The following UBASH3A variants were observed in gnomAD, a reference collection of about 807,000 sequenced individuals.
The protein encoded by UBASH3A is ubiquitin-associated and SH3 domain-containing protein A.
A neutral mutation model predicts 73.5 loss-of-function variants in UBASH3A; 63 were observed. That is an observed-to-expected ratio of 0.86 (90% confidence interval 0.70 to 1.06). The LOEUF (loss-of-function observed/expected upper bound fraction) is 1.06. Among genes scored for constraint, UBASH3A ranks in the 50% least tolerant of loss-of-function variants. UBASH3A has a pLI of 0.00. For missense variants in UBASH3A, 860 were observed against 859.0 expected (o/e 1.00, Z -0.02); for synonymous variants, 363 against 351.1 (o/e 1.03, Z -0.38).
At chr21:42,436,860 C>G (rs2053634825) in intron 10 of UBASH3A, among the ~76,000 whole-genome samples, 2 of 152,222 alleles carry the variant, frequency 1.3e-5, no homozygotes, top group Non-Finnish European at 1.5e-5. Context: ...AATGTGAAGC[C>G]CCGCCCATTT....
intron 11 of UBASH3A, among the ~76,000 whole-genome samples, chr21:42,441,378 G>A (rs1370295817): frequency 6.6e-6 from 1 of 150,694 alleles, no homozygotes; most frequent in South Asian, 2.1e-4. Context: ...GTTCACAATG[G>A]AAATGAGCTC....
At position 42,409,481 on chromosome 21, in the gene UBASH3A, T is replaced by A; in HGVS notation, c.227T>A (p.Leu76His). 1 of 1,613,876 alleles carries A rather than the reference T, an allele frequency of 6.2e-7. No homozygotes were observed. The highest frequency in any genetic ancestry group is 8.5e-7 in the Non-Finnish European group (1 of 1,179,944). The change falls in exon 3 of 15, where the codon CTT becomes CAT. Residue 76 changes from leucine to histidine, a missense_variant. Transcript: ENST00000319294. ...GACCCCATCCCCCAGGAGTATGCCC[T>A]TTTCCTCTGTCCAACGGGGCCCCTG... ...LDDPIPQEYA[L>H]FLCPTGPLLE... is the part of the protein sequence containing the mutation.
intron 3 of UBASH3A, chr21:42,410,522 T>G: frequency 2.7e-6 from 1 of 375,132 alleles, no homozygotes; most frequent in Non-Finnish European, 4.7e-6. Flanking sequence ...TTCCAAAGCC[T>G]CCAACCACCA....
chr21:42,445,780 T>C (rs149501404), intron 14 of UBASH3A, among the ~76,000 whole-genome samples: 6 of 152,234 alleles, frequency 3.9e-5, no homozygotes, highest in African/African-American at 1.4e-4. Context: ...CCAATTATGA[T>C]CCAGACATTT....
At position 42,442,435 on chromosome 21, in the gene UBASH3A, T is replaced by C; in HGVS notation, c.1487-17T>C. On this transcript the variant is annotated splice_polypyrimidine_tract_variant and intron_variant, in intron 11 of 14. Coordinates refer to ENST00000319294, the MANE Select transcript of UBASH3A (RefSeq NM_018961.4). Reference sequence around the variant, plus strand: ...GGATGTTGAGGATGATAAACACTTGTATTCTGTTGAATCCAGAACTCAAAC... The same window carrying C: ...GGATGTTGAGGATGATAAACACTTGCATTCTGTTGAATCCAGAACTCAAAC... The C allele has an allele frequency of 6.2e-7, 1 of 1,612,540 alleles. No individual in the cohort carries two copies. The highest frequency in any genetic ancestry group is 8.5e-7 in the Non-Finnish European group (1 of 1,179,410).
chr21:42,421,394 C>T (rs1398619522), intron 7 of UBASH3A, among the ~76,000 whole-genome samples: 1 of 152,240 alleles, frequency 6.6e-6, no homozygotes, highest in Non-Finnish European at 1.5e-5. Flanking sequence ...ACCATCGTGG[C>T]CATCCCTCTG....
In UBASH3A at chr21:42,425,283, T is replaced by C. The variant is rs57642337; in HGVS notation, c.1047-1414T>C. On this transcript the variant is annotated intron_variant, in intron 7 of 14. Coordinates refer to ENST00000319294, the MANE Select transcript of UBASH3A (RefSeq NM_018961.4). ...GTCACCCATGTTCACAGCATAATCT[T>C]GATTGTATTTCATTTGAAAGACTAG... is the stretch of plus-strand genomic sequence containing the variant. Among the ~76,000 whole-genome samples the C allele has an allele frequency of 2.5e-3, 385 of 152,328 alleles. 3 individuals are homozygous for C. Among genetic ancestry groups the C allele is most frequent in the African/African-American group, 8.8e-3 (364 of 41,576 alleles).
rs1447246824 is a variant in UBASH3A at position 42,406,361 on chromosome 21, G to C, written c.167G>C (p.Trp56Ser). Residue 56 changes from tryptophan to serine, a missense_variant and splice_region_variant, in exon 2 of 15, where the codon TGG (tryptophan) becomes TCG (serine). Trp to Ser is a radical substitution (Grantham distance 177). Transcript: ENST00000319294. ...AAGACGGCGGAGGAGGCCTTGGCCT[G>C]GTGAGTGCAGCTGCTTCTGTAGACC... Reference protein sequence around the residue: ...GRKTAEEALAWLHDHCNDPSL... With the variant: ...GRKTAEEALASLHDHCNDPSL... 1 of 1,613,480 alleles carries C rather than the reference G, an allele frequency of 6.2e-7. No homozygotes were observed. Among genetic ancestry groups the C allele is most frequent in the Admixed American group, 1.7e-5 (1 of 60,028 alleles).
chr21:42,431,237 GC>G (rs113593003), intron 8 of UBASH3A, among the ~76,000 whole-genome samples: 1 of 152,180 alleles, frequency 6.6e-6, no homozygotes, highest in Non-Finnish European at 1.5e-5. Context: ...TGAGGACAGA[GC>G]CCCCCACAAC....
Position 42,447,099 on chromosome 21 carries a change from G to A in UBASH3A, c.1891G>A (p.Glu631Lys). ...GMCFCEENKEEGKWELVNPPV... is the reference protein window; with the variant it reads ...GMCFCEENKEKGKWELVNPPV... ...GTGCTTCTGTGAAGAAAATAAAGAG[G>A]AAGGAAAATGGGAGTTGGTGAACCC... Residue 631 changes from glutamate (E) to lysine (K), a missense_variant, in exon 15 of 15, where the codon GAA (glutamate) becomes AAA (lysine). Physicochemically the swap from Glu to Lys is moderately conservative, Grantham distance 56. Coordinates refer to ENST00000319294, the MANE Select transcript of UBASH3A (RefSeq NM_018961.4). The A allele has an allele frequency of 6.2e-7, 1 of 1,614,086 alleles. No homozygotes were observed. Among genetic ancestry groups the A allele is most frequent in the East Asian group, 2.2e-5 (1 of 44,854 alleles).
chr21:42,417,129 A>G (rs1044649213), intron 6 of UBASH3A, among the ~76,000 whole-genome samples: 1 of 152,084 alleles, frequency 6.6e-6, no homozygotes. Context: ...CATTTCCAAT[A>G]TTAGAAAAGG....
At chr21:42,404,671 C>A (rs1255381561) in intron 1 of UBASH3A, among the ~76,000 whole-genome samples, 1 of 152,222 alleles carries the variant, frequency 6.6e-6, no homozygotes, top group African/African-American at 2.4e-5. Context: ...GGCCCCAAAG[C>A]CCGCTGAGTC....
At chr21:42,443,472 C>T in intron 13 of UBASH3A, 54 bp downstream of exon 13, 1 of 1,461,858 alleles carries the variant, frequency 6.8e-7, no homozygotes. Flanking sequence ...GGGGAATTAT[C>T]TCTGAGATGG....
intron 11 of UBASH3A, among the ~76,000 whole-genome samples, chr21:42,440,794 C>T (rs1017667446): frequency 1.3e-5 from 2 of 152,186 alleles, no homozygotes; most frequent in East Asian, 1.9e-4. Flanking sequence ...TCTCTCACCA[C>T]GATAACAACA....
chr21:42,417,629 T>C (rs990036922), intron 6 of UBASH3A: 9 of 152,108 alleles, frequency 5.9e-5, no homozygotes, highest in African/African-American at 2.2e-4. Context: ...TGAAACCTCA[T>C]TCTGGGACTT....
At chr21:42,423,591 G>C (rs756630137) in intron 7 of UBASH3A, among the ~76,000 whole-genome samples, 20 of 152,210 alleles carry the variant, frequency 1.3e-4, no homozygotes, top group Admixed American at 2.6e-4. Flanking sequence ...CGGGATGGGA[G>C]AGTTTCACAG....
At chr21:42,427,339 C>T (rs2053455971) in intron 8 of UBASH3A, among the ~76,000 whole-genome samples, 1 of 152,198 alleles carries the variant, frequency 6.6e-6, no homozygotes, top group South Asian at 2.1e-4. Flanking sequence ...GACATCACAT[C>T]CCTGATCCCT....
At position 42,413,018 on chromosome 21, in the gene UBASH3A, C is replaced by T. The variant is rs1298740259; in HGVS notation, c.355-6C>T. ...GGAAACACAGGCTCTGTCTCTGTCCCCTTAGTGTGAAGACCAGAAGGTGGA... is the reference window on the plus strand; with the variant it reads ...GGAAACACAGGCTCTGTCTCTGTCCTCTTAGTGTGAAGACCAGAAGGTGGA... On this transcript the variant is annotated splice_polypyrimidine_tract_variant and splice_region_variant and intron_variant, in intron 3 of 14. Coordinates refer to ENST00000319294, the MANE Select transcript of UBASH3A (RefSeq NM_018961.4). This position sits in a 1 kb window ranked among gnomAD's most constrained non-coding sequence, Gnocchi z 4.5. 1 of 1,613,376 alleles carries T rather than the reference C, an allele frequency of 6.2e-7. No individual in the cohort carries two copies. Among genetic ancestry groups the T allele is most frequent in the Admixed American group, 1.7e-5 (1 of 60,024 alleles).
intron 7 of UBASH3A, among the ~76,000 whole-genome samples, chr21:42,422,832 G>A (rs1180819752): frequency 6.6e-6 from 1 of 152,142 alleles, no homozygotes; most frequent in Non-Finnish European, 1.5e-5. Flanking sequence ...TGCACAATAT[G>A]TATTTCTATA....
Sources: allele counts gnomAD v4.1 joint callset (sites outside exome capture counted in the v4.1 genomes callset), GRCh38; gene constraint gnomAD v4.1.1; non-coding constraint Gnocchi (gnomAD v3.1); transcripts MANE v1.5; gene names NCBI Gene and HGNC (gene_info 2026-07-23, HGNC 2026-07-21).